BRINP1: variants seen among roughly 807,000 people sequenced by gnomAD.
The protein encoded by BRINP1 is BMP/retinoic acid inducible neural specific 1, also known as BMP/retinoic acid-inducible neural-specific protein 1.
A neutral mutation model predicts 72.9 loss-of-function variants in BRINP1; 17 were observed. That is an observed-to-expected ratio of 0.23 (90% CI 0.16 to 0.35). The LOEUF is 0.35. Among genes scored for constraint, BRINP1 ranks in the 10% least tolerant of loss-of-function variants. BRINP1 has a pLI of 1.00. For missense variants in BRINP1, 850 were observed against 1,001.6 expected, an observed-to-expected ratio of 0.85 and a Z score of 2.04; for synonymous variants, 418 against 378.5, an observed-to-expected ratio of 1.10 and a Z score of -1.21.
chr9:119,176,223 T>C (rs1588154813), intron 7 of BRINP1, among the ~76,000 whole-genome samples: 3 of 152,286 alleles, frequency 2.0e-5, no homozygotes, highest in African/African-American at 7.2e-5. Context: ...CTGTGGCTTT[T>C]TGCATTGTCT....
At chr9:119,265,046 C>T (rs1830534246) in intron 2 of BRINP1, among the ~76,000 whole-genome samples, 1 of 152,154 alleles carries the variant, frequency 6.6e-6, no homozygotes, top group Admixed American at 6.5e-5. Flanking sequence ...ATGCTCCATC[C>T]AAATGTACAA....
At chr9:119,200,191 A>C (rs1294175730) in intron 7 of BRINP1, among the ~76,000 whole-genome samples, 3 of 152,344 alleles carry the variant, frequency 2.0e-5, no homozygotes, top group African/African-American at 7.2e-5. Context: ...TCATTGAACA[A>C]GTTTTTTGAA....
intron 7 of BRINP1, among the ~76,000 whole-genome samples, chr9:119,197,974 CA>C (rs904535808): frequency 1.3e-5 from 2 of 151,990 alleles, no homozygotes; most frequent in African/African-American, 2.4e-5. Context: ...GGGGAAGTAA[CA>C]AAAAAATCTG....
At chr9:119,234,990 G>A (rs899800417) in intron 5 of BRINP1, among the ~76,000 whole-genome samples, 2 of 151,928 alleles carry the variant, frequency 1.3e-5, no homozygotes, top group African/African-American at 4.8e-5. Flanking sequence ...AATTCTATAT[G>A]GTCTTTTCAC....
At chr9:119,271,902 T>C (rs943939497) in intron 2 of BRINP1, among the ~76,000 whole-genome samples, 3 of 151,942 alleles carry the variant, frequency 2.0e-5, no homozygotes, top group Non-Finnish European at 4.4e-5. Flanking sequence ...GGTCTTGCCA[T>C]GTTGCTCAAG....
intron 1 of BRINP1, among the ~76,000 whole-genome samples, chr9:119,366,052 C>T (rs73536348): frequency 0.015 from 2,351 of 152,142 alleles, 63 homozygotes; most frequent in African/African-American, 0.053. Context: ...TTCTCCTTCC[C>T]TGGAGTTTAT....
At chr9:119,307,993 A>G (rs1831016176) in intron 2 of BRINP1, among the ~76,000 whole-genome samples, 1 of 152,128 alleles carries the variant, frequency 6.6e-6, no homozygotes, top group Admixed American at 6.6e-5. Context: ...GTGCAAATGG[A>G]GAGATAATAG....
chr9:119,263,829 C>T (rs530695093), intron 2 of BRINP1, among the ~76,000 whole-genome samples: 163 of 152,028 alleles, frequency 1.1e-3, no homozygotes, highest in African/African-American at 3.8e-3. Flanking sequence ...AGGATGGTCT[C>T]GATCTCCTGA....
chr9:119,176,792 A>AC (rs1469700720), intron 7 of BRINP1, among the ~76,000 whole-genome samples: 1 of 152,156 alleles, frequency 6.6e-6, no homozygotes, highest in African/African-American at 2.4e-5. Flanking sequence ...TTTGAGGAAA[A>AC]CCATTTTGTT....
At chr9:119,236,080 T>C (rs1160444169) in intron 5 of BRINP1, among the ~76,000 whole-genome samples, 2 of 152,194 alleles carry the variant, frequency 1.3e-5, no homozygotes, top group Non-Finnish European at 2.9e-5. Context: ...GGATTGATTA[T>C]CTTTTCTGCA....
chr9:119,249,894 A>G (rs1588177491), intron 2 of BRINP1, among the ~76,000 whole-genome samples: 2 of 89,232 alleles, frequency 2.2e-5, no homozygotes, highest in African/African-American at 4.9e-5. Flanking sequence ...GAAGGAAGGG[A>G]GGGAGAGAGG....
At chr9:119,238,389 A>T (rs914366970) in intron 5 of BRINP1, among the ~76,000 whole-genome samples, 1 of 143,818 alleles carries the variant, frequency 7.0e-6, no homozygotes, top group African/African-American at 2.5e-5. Flanking sequence ...TATAAATACA[A>T]ATTAATTAAA....
intron 1 of BRINP1, among the ~76,000 whole-genome samples, chr9:119,363,646 T>A (rs1370822427): frequency 2.0e-5 from 3 of 152,218 alleles, no homozygotes; most frequent in Non-Finnish European, 4.4e-5. Context: ...ATTATTCATC[T>A]CGCTCCTCTA....
At chr9:119,187,454 C>T (rs1829636007) in intron 7 of BRINP1, among the ~76,000 whole-genome samples, 1 of 151,906 alleles carries the variant, frequency 6.6e-6, no homozygotes, top group Non-Finnish European at 1.5e-5. Flanking sequence ...AAATTTCTGA[C>T]ATTGATTACA....
rs1196885944 is a variant in BRINP1, at chr9:119,325,061, T to C, written c.-50-11656A>G. On this transcript the variant is annotated intron_variant, in intron 1 of 7. Coordinates refer to ENST00000265922, the MANE Select transcript of BRINP1 (RefSeq NM_014618.3). ...GTTGTAGTGAGCTGAGATCACGCCATTGCACTCCAGCCTGGGCAACAAGAG... is the reference window on the plus strand; with the variant it reads ...GTTGTAGTGAGCTGAGATCACGCCACTGCACTCCAGCCTGGGCAACAAGAG... 2.0e-5 allele frequency among the ~76,000 whole-genome samples: 3 copies of C among 150,426 alleles called. No homozygotes were observed. In the East Asian group the frequency reaches 5.9e-4, roughly 30 times the overall value.
intron 7 of BRINP1, among the ~76,000 whole-genome samples, chr9:119,196,096 G>T (rs1339140266): frequency 1.3e-5 from 2 of 152,110 alleles, no homozygotes; most frequent in Non-Finnish European, 1.5e-5. Context: ...TCACTTAGGG[G>T]AACTCATTTT....
intron 1 of BRINP1, among the ~76,000 whole-genome samples, chr9:119,345,830 C>T (rs558058141): frequency 6.6e-6 from 1 of 152,250 alleles, no homozygotes; most frequent in South Asian, 2.1e-4. Context: ...TCAAGCACTG[C>T]TCTAAGATCT....
intron 1 of BRINP1, among the ~76,000 whole-genome samples, chr9:119,349,611 T>C (rs1400546091): frequency 6.6e-6 from 1 of 152,204 alleles, no homozygotes. Context: ...TAAATCTTTT[T>C]TTAATTAAAA....
intron 7 of BRINP1, among the ~76,000 whole-genome samples, chr9:119,173,424 AG>A (rs1829442374): frequency 6.6e-6 from 1 of 150,854 alleles, no homozygotes; most frequent in African/African-American, 2.4e-5. Flanking sequence ...CCAACTTACA[AG>A]GGATGTGAAG....
Sources: gnomAD v4.1 joint callset for allele counts (sites outside exome capture counted in the v4.1 genomes callset) on GRCh38, gnomAD v4.1.1 for gene constraint, MANE v1.5 for transcripts, NCBI Gene and HGNC (gene_info 2026-07-23, HGNC 2026-07-21) for gene names.